DAAM1: variants seen among roughly 807,000 people sequenced by gnomAD.
The protein encoded by DAAM1 is dishevelled associated activator of morphogenesis 1, also known as disheveled-associated activator of morphogenesis 1.
Under a neutral mutation model 130.0 loss-of-function variants are expected in DAAM1, and 52 were observed. The ratio of observed to expected loss-of-function variants is 0.40; its 90% CI spans 0.32 to 0.50. The LOEUF is 0.50. Among genes scored for constraint, DAAM1 ranks in the 20% least tolerant of loss-of-function variants. The pLI is 0.61. For missense variants in DAAM1, 1,134 were observed against 1,303.8 expected, an observed-to-expected ratio of 0.87 and a Z score of 2.01; for synonymous variants, 452 against 444.5, an observed-to-expected ratio of 1.02 and a Z score of -0.21.
intron 2 of DAAM1, among the ~76,000 whole-genome samples, chr14:59,268,548 G>T (rs947031734): frequency 1.3e-5 from 2 of 152,156 alleles, no homozygotes; most frequent in Non-Finnish European, 2.9e-5. Context: ...TGCTTTTAAA[G>T]CTGTTCTATA....
intron 3 of DAAM1, among the ~76,000 whole-genome samples, chr14:59,309,995 C>T (rs1470427963): frequency 6.6e-6 from 1 of 152,076 alleles, no homozygotes; most frequent in Non-Finnish European, 1.5e-5. Flanking sequence ...CTGCCCTTTT[C>T]TGCCTAGGTT....
At chr14:59,278,334 A>G (rs965301108) in intron 2 of DAAM1, among the ~76,000 whole-genome samples, 1 of 152,162 alleles carries the variant, frequency 6.6e-6, no homozygotes, top group Non-Finnish European at 1.5e-5. Context: ...TTAGATATTC[A>G]TGACTAATGA....
At chr14:59,192,660 C>A (rs1165866678) in intron 1 of DAAM1, among the ~76,000 whole-genome samples, 1 of 152,188 alleles carries the variant, frequency 6.6e-6, no homozygotes, top group Non-Finnish European at 1.5e-5. Context: ...AATATGGTGA[C>A]TTATTTTGGT....
In DAAM1 at chr14:59,315,266, T is replaced by C. The variant is rs202203960; in HGVS notation, c.274-14T>C. The C allele has an allele frequency of 8.3e-5, 133 of 1,606,624 alleles. 2 individuals carry two copies. Among genetic ancestry groups the C allele is most frequent in the South Asian group, 3.7e-4 (34 of 90,970 alleles). ...ATGTTGGGTGGTATGTCACTTTTTT[T>C]CCCCCCTTTTTAGGACCAGGAAGAA... is the stretch of plus-strand genomic sequence containing the variant. On this transcript the variant is annotated splice_polypyrimidine_tract_variant and intron_variant, in intron 3 of 24. Coordinates refer to ENST00000360909, the MANE Select transcript of DAAM1 (RefSeq NM_001270520.2).
chr14:59,323,153 CG>C lies in DAAM1; in HGVS notation c.707del (p.Gly236AlafsTer25). ...TCTTGGGCGCCGTGTGCCTGGTTCC[CG>C]GGGGCCACAAGAAGGTTCTGCAGGC... ...EILGAVCLVP[G>X]GHKKVLQAML... On this transcript the variant is annotated frameshift_variant, in exon 6 of 25. Coordinates refer to ENST00000360909, the MANE Select transcript of DAAM1 (RefSeq NM_001270520.2). LOFTEE classifies it high-confidence loss of function. 6.2e-7 allele frequency: 1 copy of C among 1,613,634 alleles called. No homozygotes were observed. The highest frequency in any genetic ancestry group is 8.5e-7 in the Non-Finnish European group (1 of 1,179,836).
At chr14:59,193,247 C>T (rs1887786678) in intron 1 of DAAM1, among the ~76,000 whole-genome samples, 4 of 152,158 alleles carry the variant, frequency 2.6e-5, no homozygotes. Context: ...AGCAAGTGTA[C>T]TGTCTTTTAT....
chr14:59,274,304 A>G (rs934040023), intron 2 of DAAM1, among the ~76,000 whole-genome samples: 1 of 152,214 alleles, frequency 6.6e-6, no homozygotes, highest in African/African-American at 2.4e-5. Context: ...TGACATGTAT[A>G]TATATTTATG....
Position 59,367,553 on chromosome 14 carries a change from G to GAAAGAA in DAAM1, c.2956_2961dup (p.Lys986_Lys987dup). 1 of 1,613,776 alleles carries GAAAGAA rather than the reference G, an allele frequency of 6.2e-7. No individual in the cohort carries two copies. Among genetic ancestry groups the GAAAGAA allele is most frequent in the Non-Finnish European group, 8.5e-7 (1 of 1,179,842 alleles). Reference sequence around the variant, plus strand: ...GCCAAACAAGAAAACGAAAATATGAGAAAGAAAAAGGAGGAAGAAGAACGT... The same window carrying GAAAGAA: ...GCCAAACAAGAAAACGAAAATATGAGAAAGAAAAAGAAAAAGGAGGAAGAAGAACGT... On this transcript the variant is annotated inframe_insertion, in exon 24 of 25. Coordinates refer to ENST00000360909, the MANE Select transcript of DAAM1 (RefSeq NM_001270520.2).
chr14:59,308,097 T>C (rs1884441325), intron 3 of DAAM1, among the ~76,000 whole-genome samples: 1 of 152,236 alleles, frequency 6.6e-6, no homozygotes. Context: ...TTGTTCTTTT[T>C]CTTCTTGGAG....
intron 3 of DAAM1, among the ~76,000 whole-genome samples, chr14:59,296,623 G>A (rs1883963853): frequency 6.6e-6 from 1 of 152,192 alleles, no homozygotes; most frequent in African/African-American, 2.4e-5. Flanking sequence ...CTCTAGGAGT[G>A]TGTGTGTTTG....
intron 1 of DAAM1, among the ~76,000 whole-genome samples, chr14:59,189,886 T>G (rs1425141579): frequency 1.3e-5 from 2 of 152,208 alleles, no homozygotes; most frequent in African/African-American, 2.4e-5. Context: ...TAGTGATGCC[T>G]GAACTCCATT....
At chr14:59,226,810 G>A (rs1473066571) in intron 1 of DAAM1, among the ~76,000 whole-genome samples, 2 of 152,088 alleles carry the variant, frequency 1.3e-5, no homozygotes, top group Non-Finnish European at 2.9e-5. Context: ...GCAATAGGAG[G>A]GCCCTTTCAT....
chr14:59,327,508 C>G (rs1231006922), intron 12 of DAAM1, among the ~76,000 whole-genome samples: 3 of 145,844 alleles, frequency 2.1e-5, no homozygotes, highest in Admixed American at 1.4e-4. Context: ...CCTAAGTTCA[C>G]GTCATTCTCC....
intron 16 of DAAM1, among the ~76,000 whole-genome samples, chr14:59,346,643 A>G (rs1536619): frequency 0.1 from 15,759 of 152,216 alleles, 862 homozygotes; most frequent in Middle Eastern, 0.2. Flanking sequence ...CTTACAAATT[A>G]AACAAAGGAG....
At chr14:59,306,904 T>G (rs1884399993) in intron 3 of DAAM1, among the ~76,000 whole-genome samples, 1 of 152,030 alleles carries the variant, frequency 6.6e-6, no homozygotes, top group Admixed American at 6.6e-5. Flanking sequence ...CACAGAATTG[T>G]GGTGTAATGG....
chr14:59,231,992 T>C (rs1889124001), intron 1 of DAAM1, among the ~76,000 whole-genome samples: 1 of 152,176 alleles, frequency 6.6e-6, no homozygotes, highest in African/African-American at 2.4e-5. Context: ...GAGAACTTAG[T>C]AAAGTATGCT....
At chr14:59,351,137 G>C (rs1050456107) in intron 17 of DAAM1, among the ~76,000 whole-genome samples, 1 of 150,750 alleles carries the variant, frequency 6.6e-6, no homozygotes, top group African/African-American at 2.4e-5. Context: ...AAGCCCAGGC[G>C]TCATCTTTGA....
intron 21 of DAAM1, 23 bp downstream of exon 21, chr14:59,359,527 A>G: frequency 6.4e-7 from 1 of 1,567,240 alleles, no homozygotes; most frequent in Non-Finnish European, 8.8e-7. Context: ...AGTGAGTGTT[A>G]GTTTCTTAAA....
chr14:59,195,961 A>G (rs1594750838), intron 1 of DAAM1, among the ~76,000 whole-genome samples: 1 of 151,902 alleles, frequency 6.6e-6, no homozygotes, highest in Non-Finnish European at 1.5e-5. Flanking sequence ...AGCTATCACT[A>G]CTAAGGGCAA....
Sources: allele counts gnomAD v4.1 joint callset (sites outside exome capture counted in the v4.1 genomes callset), GRCh38; gene constraint gnomAD v4.1.1; transcripts MANE v1.5; gene names NCBI Gene and HGNC (gene_info 2026-07-23, HGNC 2026-07-21).